CHCHD6: variants seen among roughly 807,000 people sequenced by gnomAD.
CHCHD6 encodes MICOS complex subunit MIC25.
CHCHD6 carries 28 observed loss-of-function variants against 32.3 expected under a neutral mutation model. The observed-to-expected ratio is 0.87, with a 90% CI of 0.64 to 1.19. The LOEUF (loss-of-function observed/expected upper bound fraction) is 1.19. Among genes scored for constraint, CHCHD6 ranks in the 50% most tolerant of loss-of-function variants. The pLI is 0.00. For synonymous variants in CHCHD6, 122 were observed against 117.5 expected (o/e 1.04, Z -0.25); for missense variants, 333 against 307.0 (o/e 1.08, Z -0.63).
chr3:126,946,392 A>T (rs2078639261), intron 6 of CHCHD6, among the ~76,000 whole-genome samples: 1 of 152,212 alleles, frequency 6.6e-6, no homozygotes, highest in Non-Finnish European at 1.5e-5. Flanking sequence ...CGTGTGTGTG[A>T]GAGAGAAGGG....
At chr3:126,819,710 G>A (rs755732751) in intron 4 of CHCHD6, among the ~76,000 whole-genome samples, 6 of 152,224 alleles carry the variant, frequency 3.9e-5, no homozygotes, top group Non-Finnish European at 8.8e-5. Context: ...CTAAATGGAC[G>A]TCTGGCTGCA....
intron 6 of CHCHD6, among the ~76,000 whole-genome samples, chr3:126,948,415 C>T (rs895555702): frequency 4.6e-5 from 7 of 152,272 alleles, no homozygotes; most frequent in South Asian, 2.1e-4. Flanking sequence ...CTGTCAGCCT[C>T]GGTCCCCATA....
chr3:126,903,423 T>C, intron 5 of CHCHD6, among the ~76,000 whole-genome samples: 1 of 152,170 alleles, frequency 6.6e-6, no homozygotes, highest in South Asian at 2.1e-4. Context: ...ACTCTTCTAC[T>C]CTGTTACAGA....
chr3:126,775,675 G>A (rs2107678812), intron 4 of CHCHD6, among the ~76,000 whole-genome samples: 1 of 152,224 alleles, frequency 6.6e-6, no homozygotes, highest in East Asian at 1.9e-4. Flanking sequence ...AAACTCTAGA[G>A]GTTAAGGAAA....
intron 5 of CHCHD6, among the ~76,000 whole-genome samples, chr3:126,906,383 G>A (rs1479002451): frequency 6.6e-6 from 1 of 152,184 alleles, no homozygotes; most frequent in Non-Finnish European, 1.5e-5. Context: ...TATCAGATGG[G>A]GTCCTTTCCC....
At chr3:126,914,651 G>T in intron 5 of CHCHD6, 29 bp from the exon 6 acceptor site, 1 of 1,315,914 alleles carries the variant, frequency 7.6e-7, no homozygotes, top group Non-Finnish European at 1.1e-6. Context: ...TTCAGTCTTT[G>T]GTAACCAATT....
intron 5 of CHCHD6, among the ~76,000 whole-genome samples, chr3:126,859,701 T>C (rs554802282): frequency 1.3e-5 from 2 of 152,280 alleles, no homozygotes; most frequent in South Asian, 4.1e-4. Flanking sequence ...TCAGAAGCCA[T>C]GCACACGGCT....
intron 5 of CHCHD6, among the ~76,000 whole-genome samples, chr3:126,903,947 G>A (rs2107584496): frequency 6.6e-6 from 1 of 152,286 alleles, no homozygotes; most frequent in South Asian, 2.1e-4. Context: ...TGCAGGCCCT[G>A]GGTCTAGGTA....
At chr3:126,846,793 C>T (rs2107549418) in intron 4 of CHCHD6, among the ~76,000 whole-genome samples, 1 of 152,218 alleles carries the variant, frequency 6.6e-6, no homozygotes, top group East Asian at 1.9e-4. Flanking sequence ...TATTTTATCT[C>T]TATATGGAGG....
At chr3:126,890,372 T>G (rs1481260417) in intron 5 of CHCHD6, among the ~76,000 whole-genome samples, 1 of 152,084 alleles carries the variant, frequency 6.6e-6, no homozygotes, top group African/African-American at 2.4e-5. Context: ...GCACACAAGG[T>G]CCCTTGGTTT....
intron 1 of CHCHD6, among the ~76,000 whole-genome samples, chr3:126,716,322 G>A (rs888992999): frequency 9.9e-5 from 15 of 152,098 alleles, no homozygotes; most frequent in Non-Finnish European, 1.6e-4. Context: ...TCTCTGGAAC[G>A]CCACCTTCTG....
At chr3:126,951,018 G>C (rs1319386431) in intron 6 of CHCHD6, among the ~76,000 whole-genome samples, 1 of 152,176 alleles carries the variant, frequency 6.6e-6, no homozygotes, top group Admixed American at 6.5e-5. Flanking sequence ...GATATGGTTT[G>C]GCTGTTTCCC....
At chr3:126,887,591 G>T (rs2077695877) in intron 5 of CHCHD6, among the ~76,000 whole-genome samples, 1 of 152,154 alleles carries the variant, frequency 6.6e-6, no homozygotes, top group African/African-American at 2.4e-5. Context: ...GTGTCCCTGG[G>T]CTGGGTTGCA....
chr3:126,767,945 G>A (rs1014169931), intron 4 of CHCHD6, among the ~76,000 whole-genome samples: 1 of 152,128 alleles, frequency 6.6e-6, no homozygotes, highest in Non-Finnish European at 1.5e-5. Flanking sequence ...TTTTATGTCT[G>A]CATAGTATTC....
intron 4 of CHCHD6, among the ~76,000 whole-genome samples, chr3:126,833,453 C>A (rs1940721639): frequency 6.6e-6 from 1 of 152,212 alleles, no homozygotes; most frequent in Admixed American, 6.5e-5. Context: ...ATATTTTGAA[C>A]AAGAGCAGCT....
At chr3:126,894,163 C>T (rs893016731) in intron 5 of CHCHD6, among the ~76,000 whole-genome samples, 27 of 152,380 alleles carry the variant, frequency 1.8e-4, no homozygotes, top group African/African-American at 6.0e-4. Context: ...ATGGCACACC[C>T]AATGTCCCCA....
At chr3:126,909,035 T>G (rs2078045671) in intron 5 of CHCHD6, among the ~76,000 whole-genome samples, 1 of 152,232 alleles carries the variant, frequency 6.6e-6, no homozygotes, top group African/African-American at 2.4e-5. Context: ...CCTTGGTTCT[T>G]TCTTTGCTAT....
At chr3:126,815,643 GCCC>G (rs11341202) in intron 4 of CHCHD6, among the ~76,000 whole-genome samples, 80 of 127,704 alleles carry the variant, frequency 6.3e-4, no homozygotes, top group East Asian at 2.7e-3. Context: ...GTGGGTTCTT[GCCC>G]CCCCCCCCCC....
At chr3:126,782,133 G>C (rs1937974896) in intron 4 of CHCHD6, among the ~76,000 whole-genome samples, 1 of 152,230 alleles carries the variant, frequency 6.6e-6, no homozygotes, top group Admixed American at 6.5e-5. Context: ...CAGCAAGGCA[G>C]TGAACAACAA....
Sources: allele counts gnomAD v4.1 joint callset (sites outside exome capture counted in the v4.1 genomes callset), GRCh38; gene constraint gnomAD v4.1.1; transcripts MANE v1.5; gene names NCBI Gene and HGNC (gene_info 2026-07-23, HGNC 2026-07-21).